The following SLC4A4 variants were observed in gnomAD, a reference collection of about 807,000 sequenced individuals.
SLC4A4 encodes solute carrier family 4 member 4.
In SLC4A4, 27 loss-of-function variants were observed where a neutral mutation model predicts 111.5. The observed-to-expected ratio is 0.24, with a 90% CI of 0.18 to 0.33. The LOEUF is 0.33. Among genes scored for constraint, SLC4A4 ranks in the 10% least tolerant of loss-of-function variants. SLC4A4 has a pLI of 1.00. For missense variants in SLC4A4, 909 were observed against 1,315.5 expected (o/e 0.69, Z 4.78); for synonymous variants, 443 against 463.4 (o/e 0.96, Z 0.57).
intron 1 of SLC4A4, among the ~76,000 whole-genome samples, chr4:71,219,339 C>G (rs1235567840): frequency 6.6e-6 from 1 of 152,190 alleles, no homozygotes; most frequent in Non-Finnish European, 1.5e-5. Context: ...TGCCTATGCT[C>G]TGAAGATGGA....
rs527487643 is a variant in SLC4A4, at chr4:71,145,046, C to T, written c.-2+52254C>T. On this transcript the variant is annotated intron_variant, in intron 2 of 26. Transcript: ENST00000649996. ...GTGCCAGTTTTCAAAGGGAATGCTT[C>T]GAGTTTTTGTCCATTCAGTATGATA... is the stretch of plus-strand genomic sequence containing the variant. Among the ~76,000 whole-genome samples the T allele has an allele frequency of 5.3e-5, 8 of 152,152 alleles. No homozygotes were observed. The South Asian group carries it at 1.0e-3, about 20-fold the overall frequency.
At chr4:71,322,288 A>C (rs996229234) in intron 3 of SLC4A4, among the ~76,000 whole-genome samples, 1 of 151,914 alleles carries the variant, frequency 6.6e-6, no homozygotes, top group African/African-American at 2.4e-5. Context: ...TTTTTTGGCA[A>C]TGTGGGGATG....
At position 71,549,429 on chromosome 4, in the gene SLC4A4, C is replaced by G. The variant is rs150222933; in HGVS notation, c.2694+1709C>G. ...TGGAAATGAATTTTCCCTGTGGGTT[C>G]CTTGAAGGTGGGCTCACTTCAAGTA... On this transcript the variant is annotated intron_variant, in intron 20 of 25. Transcript: ENST00000264485. Among the ~76,000 whole-genome samples, 484 of 151,890 alleles carry G rather than the reference C, an allele frequency of 3.2e-3. 2 individuals are homozygous for G. Among genetic ancestry groups the G allele is most frequent in the African/African-American group, 0.011 (472 of 41,474 alleles).
intron 23 of SLC4A4, among the ~76,000 whole-genome samples, chr4:71,562,493 A>C (rs536776195): frequency 6.6e-6 from 1 of 151,818 alleles, no homozygotes; most frequent in Non-Finnish European, 1.5e-5. Flanking sequence ...TGATCCCTTT[A>C]CCATTATGTA....
At chr4:71,162,276 A>T (rs577328052) in intron 2 of SLC4A4, among the ~76,000 whole-genome samples, 1 of 152,204 alleles carries the variant, frequency 6.6e-6, no homozygotes, top group Non-Finnish European at 1.5e-5. Flanking sequence ...TAATAAGATC[A>T]GTTACTGAGA....
intron 3 of SLC4A4, among the ~76,000 whole-genome samples, chr4:71,266,280 A>G (rs1244346008): frequency 6.6e-6 from 1 of 152,198 alleles, no homozygotes; most frequent in South Asian, 2.1e-4. Context: ...TAAAAATACC[A>G]TATGTTAGTT....
At chr4:71,524,642 A>G (rs1030595702) in intron 16 of SLC4A4, among the ~76,000 whole-genome samples, 3 of 152,008 alleles carry the variant, frequency 2.0e-5, no homozygotes, top group African/African-American at 7.2e-5. Context: ...TATGACTACT[A>G]TTAATGCTTT....
chr4:71,342,115 C>T (rs945857517), intron 4 of SLC4A4, among the ~76,000 whole-genome samples: 1 of 152,190 alleles, frequency 6.6e-6, no homozygotes, highest in African/African-American at 2.4e-5. Flanking sequence ...CACATTTCCA[C>T]TCCTCATCTG....
At chr4:71,404,579 A>G (rs1720664124) in intron 7 of SLC4A4, among the ~76,000 whole-genome samples, 1 of 152,170 alleles carries the variant, frequency 6.6e-6, no homozygotes, top group African/African-American at 2.4e-5. Flanking sequence ...TATTTCAGAG[A>G]ACAGTAGCAT....
intron 12 of SLC4A4, among the ~76,000 whole-genome samples, chr4:71,461,003 A>G (rs1219969353): frequency 6.6e-6 from 1 of 152,092 alleles, no homozygotes; most frequent in Non-Finnish European, 1.5e-5. Flanking sequence ...ATCAAAATTC[A>G]TATAGGTTAA....
chr4:71,523,721 A>G (rs754922673), intron 16 of SLC4A4, among the ~76,000 whole-genome samples: 2 of 152,108 alleles, frequency 1.3e-5, no homozygotes, highest in African/African-American at 4.8e-5. Context: ...TCTAAGTTAT[A>G]CATATGACTG....
At chr4:71,174,668 C>G (rs987389826) in intron 2 of SLC4A4, among the ~76,000 whole-genome samples, 1 of 152,132 alleles carries the variant, frequency 6.6e-6, no homozygotes, top group Non-Finnish European at 1.5e-5. Context: ...TACTGCCACT[C>G]CACCTATTTT....
Position 71,560,215 on chromosome 4 carries a change from G to C in SLC4A4, c.3060G>C (p.Lys1020Asn). ...AAAAGAAGGAGGATGAGAAGAAAAA[G>C]AAAAAGAAGAAGGGAAGTCTGGACA... ...DKKKKEDEKK[K>N]KKKKGSLDSD... Residue 1020 changes from lysine (K) to asparagine (N), a missense_variant, in exon 23 of 26, where the codon AAG becomes AAC. Physicochemically the swap from Lys to Asn is moderately conservative, Grantham distance 94. Around this residue, in one of 7 missense-constraint regions of SLC4A4, gnomAD observed 85 missense variants for 79.8 expected, o/e 1.07. Coordinates refer to ENST00000264485, the MANE Select transcript of SLC4A4 (RefSeq NM_001098484.3). The C allele has an allele frequency of 6.2e-7, 1 of 1,610,654 alleles. No individual in the cohort carries two copies. The highest frequency in any genetic ancestry group is 8.5e-7 in the Non-Finnish European group (1 of 1,177,952).
intron 1 of SLC4A4, chr4:71,233,378 T>C (rs999564317): frequency 1.2e-6 from 1 of 839,736 alleles, no homozygotes; most frequent in Non-Finnish European, 1.4e-6. Flanking sequence ...TTTTTACATC[T>C]CTTTCCATCT....
At chr4:71,257,944 G>A (rs374254647) in intron 3 of SLC4A4, among the ~76,000 whole-genome samples, 8 of 152,150 alleles carry the variant, frequency 5.3e-5, no homozygotes, top group African/African-American at 1.9e-4. Context: ...TCAGTTTTGC[G>A]GTCACATTTT....
In SLC4A4 at chr4:71,568,374, T is replaced by G. The variant is rs565444836; in HGVS notation, c.*623T>G. 1 of 152,640 alleles carries G rather than the reference T, an allele frequency of 6.6e-6. No individual in the cohort carries two copies. The highest frequency in any genetic ancestry group is 2.4e-5 in the African/African-American group (1 of 41,514). The allele number at this position is 152,640 out of a possible 1,614,324, so 9.5% of individuals were successfully genotyped here. On this transcript the variant is annotated 3_prime_UTR_variant, in exon 26 of 26. Transcript: ENST00000264485. ...CAGGACTGGAAAAAGTGCTGCTATT[T>G]TAACTTGCTCTTGCTTGTAAATCCT...
Position 71,557,961 on chromosome 4 carries a change from CAT to C in SLC4A4, c.2937+77_2937+78del, listed in dbSNP as rs1253052610. ...TGGTTATTGTTATATGGAAGACACA[CAT>C]GTCTTTTATGTGTTGTTCCAAATTT... On this transcript the variant is annotated intron_variant, in intron 22 of 25. Coordinates refer to ENST00000264485, the MANE Select transcript of SLC4A4 (RefSeq NM_001098484.3). 8 of 1,317,068 alleles carry C rather than the reference CAT, an allele frequency of 6.1e-6. No individual in the cohort carries two copies. The African/African-American group carries it at 8.6e-5, about 14-fold the overall frequency. The allele number at this position is 1,317,068 out of a possible 1,614,324, so 81.6% of individuals were successfully genotyped here.
At chr4:71,358,138 C>T (rs1173994914) in intron 6 of SLC4A4, among the ~76,000 whole-genome samples, 1 of 151,958 alleles carries the variant, frequency 6.6e-6, no homozygotes, top group Non-Finnish European at 1.5e-5. Context: ...CATGGCGAAA[C>T]CCCATCTCTA....
intron 3 of SLC4A4, among the ~76,000 whole-genome samples, chr4:71,297,337 C>A (rs186553556): frequency 6.6e-6 from 1 of 152,252 alleles, no homozygotes; most frequent in East Asian, 1.9e-4. Flanking sequence ...CTGTTACTAC[C>A]CCTGAGCACT....
Sources: allele counts gnomAD v4.1 joint callset (sites outside exome capture counted in the v4.1 genomes callset), GRCh38; gene constraint gnomAD v4.1.1; regional missense constraint gnomAD v4.1.1; transcripts MANE v1.5; gene names NCBI Gene and HGNC (gene_info 2026-07-23, HGNC 2026-07-21).